SRPX: variants seen among roughly 807,000 people sequenced by gnomAD.
SRPX encodes the protein sushi repeat-containing protein SRPX.
SRPX carries 24 observed loss-of-function variants against 38.1 expected under a neutral mutation model. The observed-to-expected ratio is 0.63, with a 90% confidence interval of 0.46 to 0.89. SRPX has a LOEUF of 0.89. Among genes scored for constraint, SRPX ranks in the 40% least tolerant of loss-of-function variants. SRPX has a pLI of 0.00. For synonymous variants in SRPX, 184 were observed against 153.8 expected, an observed-to-expected ratio of 1.20 and a Z score of -1.45; for missense variants, 416 against 377.8, an observed-to-expected ratio of 1.10 and a Z score of -0.84.
At chrX:38,152,535 T>G (rs1417789790) in intron 9 of SRPX, among the ~76,000 whole-genome samples, 2 of 111,620 alleles carry the variant, frequency 1.8e-5, no homozygotes, top group Non-Finnish European at 3.8e-5. Flanking sequence ...CAGTGTAGAC[T>G]CCAGCAATAC....
intron 1 of SRPX, among the ~76,000 whole-genome samples, chrX:38,219,644 C>A (rs892285399): frequency 8.9e-6 from 1 of 112,068 alleles, no homozygotes; most frequent in Non-Finnish European, 1.9e-5. Context: ...ATCCCTACAT[C>A]TCCCAAGCAC....
chrX:38,188,121 A>C (rs1222574893), intron 1 of SRPX, among the ~76,000 whole-genome samples: 1 of 111,862 alleles, frequency 8.9e-6, no homozygotes, highest in Non-Finnish European at 1.9e-5. Context: ...ACTAATAGAT[A>C]AAAGCGCAAG....
chrX:38,185,115 G>T (rs1414915055), intron 1 of SRPX, among the ~76,000 whole-genome samples: 1 of 111,959 alleles, frequency 8.9e-6, no homozygotes, highest in Non-Finnish European at 1.9e-5. Context: ...TTGCTCAGGG[G>T]TGGGAACTAT....
At chrX:38,190,003 G>A (rs1938868229) in intron 1 of SRPX, among the ~76,000 whole-genome samples, 1 of 112,240 alleles carries the variant, frequency 8.9e-6, no homozygotes, top group African/African-American at 3.2e-5. Flanking sequence ...AACAGATACT[G>A]TATTTAAGGC....
At chrX:38,175,262 T>C (rs1938548853) in intron 2 of SRPX, among the ~76,000 whole-genome samples, 1 of 111,718 alleles carries the variant, frequency 9.0e-6, no homozygotes, top group Non-Finnish European at 1.9e-5. Flanking sequence ...CTCAATGCCA[T>C]GAATAGGAGC....
At chrX:38,183,055 AT>A (rs35438256) in intron 1 of SRPX, among the ~76,000 whole-genome samples, 2,716 of 96,451 alleles carry the variant, frequency 0.028, 77 homozygotes, top group African/African-American at 0.081. Flanking sequence ...TTCTTGATAG[AT>A]TTTTTTTTTT....
chrX:38,168,219 C>T (rs1032172739), intron 4 of SRPX, among the ~76,000 whole-genome samples: 3 of 112,247 alleles, frequency 2.7e-5, no homozygotes, highest in African/African-American at 9.7e-5. Flanking sequence ...CAGTTCCAGA[C>T]CTAGGCCCTC....
intron 1 of SRPX, 115 bp downstream of exon 1, chrX:38,220,581 T>C: frequency 9.5e-7 from 1 of 1,056,615 alleles, no homozygotes; most frequent in South Asian, 2.4e-5. Context: ...AGAGGAGTTC[T>C]GCGCAAACAA....
At position 38,164,788 on chromosome X, in the gene SRPX, C is replaced by T; in HGVS notation, c.634G>A (p.Ala212Thr). 1.7e-5 allele frequency: 20 copies of T among 1,210,860 alleles called. No homozygotes were observed. The highest frequency in any genetic ancestry group is 2.2e-5 in the Non-Finnish European group (20 of 895,030). The part of the protein sequence containing the change: ...SWETPEGRDT[A>T]DGILTDVILK... ...ACTTACTCAGTAAGAATTCCATCTGCTGTGTCTCTTCCTTCGGGTGTCTCC... is the reference window on the plus strand; with the variant it reads ...ACTTACTCAGTAAGAATTCCATCTGTTGTGTCTCTTCCTTCGGGTGTCTCC... Residue 212 changes from alanine to threonine, a missense_variant, in exon 5 of 10, where the codon GCA becomes ACA. Transcript: ENST00000378533.
intron 2 of SRPX, among the ~76,000 whole-genome samples, chrX:38,175,677 C>T (rs1938555648): frequency 1.8e-5 from 2 of 111,366 alleles, no homozygotes; most frequent in South Asian, 7.7e-4. Context: ...ACCACCGTCC[C>T]TGGTCTGGCT....
intron 2 of SRPX, among the ~76,000 whole-genome samples, chrX:38,177,196 T>C (rs768482935): frequency 8.9e-6 from 1 of 111,888 alleles, no homozygotes; most frequent in East Asian, 2.8e-4. Context: ...AACCTTTCCT[T>C]ACCCCAAGCA....
intron 1 of SRPX, among the ~76,000 whole-genome samples, chrX:38,211,552 T>G (rs1939320898): frequency 9.1e-6 from 1 of 110,394 alleles, no homozygotes; most frequent in Non-Finnish European, 1.9e-5. Flanking sequence ...ACACAAAAAT[T>G]AGATAGGTGT....
intron 1 of SRPX, among the ~76,000 whole-genome samples, chrX:38,196,507 C>G (rs933482732): frequency 8.9e-6 from 1 of 112,519 alleles, no homozygotes; most frequent in African/African-American, 3.2e-5. Flanking sequence ...AACCCATTAA[C>G]AGGTAACCTC....
intron 1 of SRPX, among the ~76,000 whole-genome samples, chrX:38,201,818 C>CA (rs920417516): frequency 0.025 from 1,002 of 39,807 alleles, 21 homozygotes; most frequent in African/African-American, 0.071. Flanking sequence ...GACTCCGTCT[C>CA]AAAAAAAAAA....
At chrX:38,171,773 C>T in intron 4 of SRPX, 108 bp downstream of exon 4, 1 of 824,825 alleles carries the variant, frequency 1.2e-6, no homozygotes, top group Non-Finnish European at 1.7e-6. Context: ...AAGTTGCATG[C>T]TTAGGCCTTA....
At chrX:38,187,027 C>T (rs1938801139) in intron 1 of SRPX, among the ~76,000 whole-genome samples, 1 of 111,009 alleles carries the variant, frequency 9.0e-6, no homozygotes, top group Non-Finnish European at 1.9e-5. Context: ...CTCTCTAAGC[C>T]TCAAATACCC....
intron 6 of SRPX, 138 bp downstream of exon 6, chrX:38,160,795 A>C: frequency 1.3e-6 from 1 of 774,788 alleles, no homozygotes; most frequent in Non-Finnish European, 1.8e-6. Context: ...GCACTTCCCC[A>C]AGCCTTATTA....
At chrX:38,151,231 C>A (rs1379475448) in intron 9 of SRPX, among the ~76,000 whole-genome samples, 2 of 112,160 alleles carry the variant, frequency 1.8e-5, no homozygotes, top group African/African-American at 3.2e-5. Context: ...TCCTGCAGTG[C>A]TAAGAGGGGA....
intron 1 of SRPX, among the ~76,000 whole-genome samples, chrX:38,182,684 A>T (rs1416059597): frequency 8.9e-6 from 1 of 112,118 alleles, no homozygotes; most frequent in African/African-American, 3.2e-5. Flanking sequence ...TTTCTCCCTG[A>T]TAAAAGAGAA....
Sources: gnomAD v4.1 joint callset for allele counts (sites outside exome capture counted in the v4.1 genomes callset) on GRCh38, gnomAD v4.1.1 for gene constraint, MANE v1.5 for transcripts, NCBI Gene and HGNC (gene_info 2026-07-23, HGNC 2026-07-21) for gene names.